DHRSX: variants seen among roughly 807,000 people sequenced by gnomAD.
DHRSX encodes the protein polyprenol dehydrogenase.
Under a neutral mutation model 34.0 loss-of-function variants are expected in DHRSX, and 31 were observed. The ratio of observed to expected loss-of-function variants is 0.91; its 90% CI spans 0.69 to 1.23. The LOEUF (loss-of-function observed/expected upper bound fraction) is 1.23, where lower values mean the gene tolerates loss of function less well. DHRSX is among the 50% of genes most tolerant of loss of function. DHRSX has a pLI of 0.00. For synonymous variants in DHRSX, 201 were observed against 183.8 expected, an observed-to-expected ratio of 1.09 and a Z score of -0.76; for missense variants, 414 against 428.1, an observed-to-expected ratio of 0.97 and a Z score of 0.29.
At chrX:2,425,992 T>G (rs1020749490) in intron 1 of DHRSX, among the ~76,000 whole-genome samples, 1 of 151,980 alleles carries the variant, frequency 6.6e-6, no homozygotes, top group Admixed American at 6.6e-5. Flanking sequence ...TTTGGGGTGG[T>G]TAGGGCAGGT....
intron 6 of DHRSX, among the ~76,000 whole-genome samples, chrX:2,237,596 C>T (rs1268094217): frequency 6.6e-6 from 1 of 151,940 alleles, no homozygotes; most frequent in Non-Finnish European, 1.5e-5. Context: ...ATTTCCGCCC[C>T]CGGGTTCAAG....
chrX:2,491,029 G>A (rs2045124968), intron 1 of DHRSX, among the ~76,000 whole-genome samples: 1 of 151,646 alleles, frequency 6.6e-6, no homozygotes. Flanking sequence ...GAGTGAGCAC[G>A]GCATTTTTGC....
At chrX:2,483,382 G>A (rs752085571) in intron 1 of DHRSX, among the ~76,000 whole-genome samples, 31 of 152,112 alleles carry the variant, frequency 2.0e-4, no homozygotes, top group African/African-American at 6.0e-4. Context: ...TCCCACCTTC[G>A]CCTCCTGAGT....
chrX:2,459,397 T>C (rs965066745), intron 1 of DHRSX, among the ~76,000 whole-genome samples: 3 of 151,808 alleles, frequency 2.0e-5, no homozygotes, highest in Non-Finnish European at 2.9e-5. Context: ...ATTAGGTCAA[T>C]GGTTAATATG....
chrX:2,433,382 T>C (rs2043951830), intron 1 of DHRSX, among the ~76,000 whole-genome samples: 1 of 152,086 alleles, frequency 6.6e-6, no homozygotes, highest in South Asian at 2.1e-4. Flanking sequence ...ATTCAGACCA[T>C]ATTGAAATAC....
intron 3 of DHRSX, among the ~76,000 whole-genome samples, chrX:2,295,364 A>G (rs1345766338): frequency 3.1e-4 from 47 of 149,482 alleles, no homozygotes; most frequent in African/African-American, 1.1e-3. Flanking sequence ...TCATCAGTGG[A>G]AGTTGAACAA....
chrX:2,438,387 C>T (rs1223594757), intron 1 of DHRSX, among the ~76,000 whole-genome samples: 3 of 151,612 alleles, frequency 2.0e-5, no homozygotes, highest in East Asian at 3.9e-4. Context: ...GACTGCAAAC[C>T]GGCCACGTGC....
chrX:2,398,131 G>A (rs1277217196), intron 3 of DHRSX, among the ~76,000 whole-genome samples: 2 of 152,120 alleles, frequency 1.3e-5, no homozygotes, highest in Non-Finnish European at 2.9e-5. Flanking sequence ...AGGTGAACAG[G>A]GGCAGGGATT....
chrX:2,228,540 AAAGAG>A (rs2015790356), intron 6 of DHRSX, among the ~76,000 whole-genome samples: 1 of 128,560 alleles, frequency 7.8e-6, no homozygotes, highest in Non-Finnish European at 1.7e-5. Flanking sequence ...CTGGAGGAAA[AAAGAG>A]AAGATAAGAG....
chrX:2,470,576 T>C (rs2044574505), intron 1 of DHRSX, among the ~76,000 whole-genome samples: 1 of 151,772 alleles, frequency 6.6e-6, no homozygotes, highest in Non-Finnish European at 1.5e-5. Context: ...GGTGTGGTGG[T>C]GTGCACCTGT....
chrX:2,361,948 C>T (rs1603006778), intron 3 of DHRSX, among the ~76,000 whole-genome samples: 4 of 152,268 alleles, frequency 2.6e-5, no homozygotes, highest in African/African-American at 9.6e-5. Context: ...GTTTCTAATT[C>T]TTTCTTCAAT....
intron 3 of DHRSX, among the ~76,000 whole-genome samples, chrX:2,371,342 GTTACCATAGTCCCTCCTCCCA>G (rs370823859): frequency 0.052 from 6,669 of 128,342 alleles, 308 homozygotes; most frequent in East Asian, 0.14. Context: ...CCCTCCTTCC[GTTACCATAGTCCCTCCTCCCA>G]TTACTATAGA....
intron 3 of DHRSX, among the ~76,000 whole-genome samples, chrX:2,328,845 G>A (rs2042421919): frequency 6.6e-6 from 1 of 152,138 alleles, no homozygotes; most frequent in Non-Finnish European, 1.5e-5. Flanking sequence ...ATCTTTAGGT[G>A]GTGGTAGAAG....
At chrX:2,231,585 A>ATCC (rs367735521) in intron 6 of DHRSX, among the ~76,000 whole-genome samples, 115,637 of 143,940 alleles carry the variant, frequency 0.8, 46,417 homozygotes, top group East Asian at 0.94. Flanking sequence ...CCTCCATCGT[A>ATCC]TCCTCCTTTT....
At chrX:2,348,594 C>A (rs1308774899) in intron 3 of DHRSX, among the ~76,000 whole-genome samples, 6 of 152,232 alleles carry the variant, frequency 3.9e-5, no homozygotes, top group African/African-American at 1.4e-4. Context: ...AAAAATGAAA[C>A]TGGAAAGTCA....
intron 3 of DHRSX, among the ~76,000 whole-genome samples, chrX:2,349,197 C>G (rs960901474): frequency 6.6e-6 from 1 of 152,048 alleles, no homozygotes; most frequent in African/African-American, 2.4e-5. Context: ...CATTTGCACC[C>G]CCATGTTTAT....
At chrX:2,223,565 C>T (rs1324778557) in intron 6 of DHRSX, among the ~76,000 whole-genome samples, 1 of 151,486 alleles carries the variant, frequency 6.6e-6, no homozygotes, top group East Asian at 1.9e-4. Flanking sequence ...CATCTAAAGA[C>T]CAAAAGTAAA....
chrX:2,225,178 A>G (rs1380343233), intron 6 of DHRSX, among the ~76,000 whole-genome samples: 1 of 151,216 alleles, frequency 6.6e-6, no homozygotes, highest in Non-Finnish European at 1.5e-5. Context: ...ACACACGCAC[A>G]CAGCTCACAC....
chrX:2,230,314 T>C (rs184224602), intron 6 of DHRSX, among the ~76,000 whole-genome samples: 9 of 152,322 alleles, frequency 5.9e-5, no homozygotes, highest in African/African-American at 2.2e-4. Context: ...TCTAGGGATG[T>C]TTCATGGCCT....
Sources: gnomAD v4.1 joint callset for allele counts (sites outside exome capture counted in the v4.1 genomes callset) on GRCh38, gnomAD v4.1.1 for gene constraint, MANE v1.5 for transcripts, NCBI Gene and HGNC (gene_info 2026-07-23, HGNC 2026-07-21) for gene names.